The following PAQR8 variants were observed in gnomAD, a reference collection of about 807,000 sequenced individuals.
PAQR8 encodes membrane progestin receptor beta.
A neutral mutation model predicts 25.2 loss-of-function variants in PAQR8; 17 were observed. That is an observed-to-expected ratio of 0.67 (90% CI 0.46 to 1.01). The LOEUF (loss-of-function observed/expected upper bound fraction) is 1.01. Among genes scored for constraint, PAQR8 ranks in the 50% least tolerant of loss-of-function variants. PAQR8 has a pLI of 0.00. For synonymous variants in PAQR8, 204 were observed against 190.6 expected, an observed-to-expected ratio of 1.07 and a Z score of -0.58; for missense variants, 392 against 448.4, an observed-to-expected ratio of 0.87 and a Z score of 1.14.
At chr6:52,401,417 C>A (rs1421501312) in intron 1 of PAQR8, among the ~76,000 whole-genome samples, 1 of 152,114 alleles carries the variant, frequency 6.6e-6, no homozygotes, top group East Asian at 1.9e-4. Flanking sequence ...CTTTACCTAG[C>A]AACTTCAGAT....
At chr6:52,389,041 C>T (rs10456660) in intron 1 of PAQR8, among the ~76,000 whole-genome samples, 31,837 of 152,150 alleles carry the variant, frequency 0.21, 4,030 homozygotes, top group Non-Finnish European at 0.29. Context: ...CCTGGCCCCT[C>T]CTTTTCCTAA....
At chr6:52,391,922 G>T (rs1488470747) in intron 1 of PAQR8, among the ~76,000 whole-genome samples, 1 of 152,194 alleles carries the variant, frequency 6.6e-6, no homozygotes, top group Non-Finnish European at 1.5e-5. Context: ...CACAGGATCT[G>T]TTTGTTGGTG....
chr6:52,401,109 G>C (rs1763824403), intron 1 of PAQR8, among the ~76,000 whole-genome samples: 2 of 152,182 alleles, frequency 1.3e-5, no homozygotes, highest in Admixed American at 1.3e-4. Flanking sequence ...ACTGGAGCTT[G>C]ACTCCAGGTC....
At chr6:52,372,907 A>C (rs1467711864) in intron 1 of PAQR8, among the ~76,000 whole-genome samples, 1 of 152,096 alleles carries the variant, frequency 6.6e-6, no homozygotes, top group East Asian at 1.9e-4. Context: ...CTATATCCCT[A>C]TTTGACAGAT....
intron 1 of PAQR8, among the ~76,000 whole-genome samples, chr6:52,371,826 CAG>C (rs1322372373): frequency 1.3e-5 from 2 of 152,176 alleles, no homozygotes; most frequent in African/African-American, 4.8e-5. Context: ...ACAAATGAAA[CAG>C]AGATGAAGTG....
intron 1 of PAQR8, among the ~76,000 whole-genome samples, chr6:52,393,889 G>A: frequency 6.6e-6 from 1 of 152,206 alleles, no homozygotes; most frequent in East Asian, 1.9e-4. Context: ...TTTGAGATGG[G>A]ACATGAAGCA....
intron 1 of PAQR8, among the ~76,000 whole-genome samples, chr6:52,373,858 G>A (rs1763450866): frequency 6.6e-6 from 1 of 151,884 alleles, no homozygotes; most frequent in South Asian, 2.1e-4. Context: ...TAGTTGATAC[G>A]GTTTAGATCT....
chr6:52,389,198 A>T (rs1763667627), intron 1 of PAQR8, among the ~76,000 whole-genome samples: 2 of 152,160 alleles, frequency 1.3e-5, no homozygotes, highest in African/African-American at 4.8e-5. Context: ...AATAAATAAG[A>T]TCCAACTCAA....
chr6:52,371,690 A>G (rs1763421000), intron 1 of PAQR8, among the ~76,000 whole-genome samples: 1 of 152,238 alleles, frequency 6.6e-6, no homozygotes, highest in African/African-American at 2.4e-5. Context: ...GCATATGTAA[A>G]AGCATACAAA....
intron 1 of PAQR8, among the ~76,000 whole-genome samples, chr6:52,382,849 C>T (rs1011252484): frequency 3.4e-4 from 51 of 152,090 alleles, no homozygotes; most frequent in African/African-American, 1.1e-3. Context: ...GACTAGAATG[C>T]GGTGTCACTA....
intron 1 of PAQR8, among the ~76,000 whole-genome samples, chr6:52,402,787 C>T (rs1396237542): frequency 6.6e-6 from 1 of 152,070 alleles, no homozygotes; most frequent in Non-Finnish European, 1.5e-5. Flanking sequence ...AAAATAACCA[C>T]GGATCCTAGC....
At chr6:52,401,260 C>T (rs565931274) in intron 1 of PAQR8, among the ~76,000 whole-genome samples, 1 of 152,310 alleles carries the variant, frequency 6.6e-6, no homozygotes, top group South Asian at 2.1e-4. Flanking sequence ...GCACCTTGAA[C>T]AGTACTTGCT....
At chr6:52,402,831 T>C (rs1392813415) in intron 1 of PAQR8, among the ~76,000 whole-genome samples, 2 of 151,736 alleles carry the variant, frequency 1.3e-5, no homozygotes, top group African/African-American at 4.8e-5. Flanking sequence ...ATCTCAACAC[T>C]TGGGGAGGCT....
At chr6:52,376,637 A>C (rs1009177093) in intron 1 of PAQR8, among the ~76,000 whole-genome samples, 7 of 152,316 alleles carry the variant, frequency 4.6e-5, no homozygotes, top group Admixed American at 4.6e-4. Flanking sequence ...AAATTAGATA[A>C]GATTTAGAGC....
At chr6:52,369,520 A>G (rs1763392597) in intron 1 of PAQR8, among the ~76,000 whole-genome samples, 1 of 152,228 alleles carries the variant, frequency 6.6e-6, no homozygotes, top group South Asian at 2.1e-4. Context: ...TTTGACTCCA[A>G]GAGAATACCA....
chr6:52,389,058 G>C (rs1350817338), intron 1 of PAQR8, among the ~76,000 whole-genome samples: 2 of 152,146 alleles, frequency 1.3e-5, no homozygotes, highest in East Asian at 3.8e-4. Context: ...CTAAGTCTTT[G>C]CTTAGGCATT....
intron 1 of PAQR8, among the ~76,000 whole-genome samples, chr6:52,368,061 C>T (rs1389962636): frequency 6.6e-6 from 1 of 152,144 alleles, no homozygotes; most frequent in Non-Finnish European, 1.5e-5. Flanking sequence ...AAGACCCCAT[C>T]TCTACAAAAT....
chr6:52,399,145 G>A (rs1187884794), intron 1 of PAQR8, among the ~76,000 whole-genome samples: 2 of 152,094 alleles, frequency 1.3e-5, no homozygotes, highest in East Asian at 3.8e-4. Flanking sequence ...TATCCCTTTG[G>A]ACTTGTACCT....
intron 1 of PAQR8, among the ~76,000 whole-genome samples, chr6:52,372,017 C>T (rs1212024666): frequency 1.3e-5 from 2 of 152,212 alleles, no homozygotes; most frequent in Admixed American, 1.3e-4. Context: ...AGCACTCTAT[C>T]TAAGAAATCC....
Sources: gnomAD v4.1 joint callset for allele counts (sites outside exome capture counted in the v4.1 genomes callset) on GRCh38, gnomAD v4.1.1 for gene constraint, MANE v1.5 for transcripts, NCBI Gene and HGNC (gene_info 2026-07-23, HGNC 2026-07-21) for gene names.